Variants in PDE6A observed in about 807,000 individuals in gnomAD.
PDE6A encodes the protein rod cGMP-specific 3',5'-cyclic phosphodiesterase subunit alpha.
Under a neutral mutation model 106.3 loss-of-function variants are expected in PDE6A, and 84 were observed. The ratio of observed to expected loss-of-function variants is 0.79; its 90% CI spans 0.66 to 0.95. PDE6A has a LOEUF of 0.95. PDE6A is among the 40% of genes least tolerant of loss of function. The pLI is 0.00. For synonymous variants in PDE6A, 394 were observed against 386.6 expected, an observed-to-expected ratio of 1.02 and a Z score of -0.23; for missense variants, 1,052 against 1,084.9, an observed-to-expected ratio of 0.97 and a Z score of 0.43.
chr5:149,910,021 A>G (rs968486304), intron 6 of PDE6A, among the ~76,000 whole-genome samples: 1 of 152,208 alleles, frequency 6.6e-6, no homozygotes, highest in Admixed American at 6.5e-5. Context: ...ATTAGCAAAC[A>G]GATTCATCTA....
chr5:149,878,410 G>T (rs1760817130), intron 17 of PDE6A, among the ~76,000 whole-genome samples: 1 of 151,940 alleles, frequency 6.6e-6, no homozygotes, highest in Non-Finnish European at 1.5e-5. Flanking sequence ...TATTTAACCT[G>T]GTTCCCCATT....
At chr5:149,888,524 TAAA>T (rs1196393979) in intron 13 of PDE6A, among the ~76,000 whole-genome samples, 1 of 148,694 alleles carries the variant, frequency 6.7e-6, no homozygotes, top group East Asian at 1.9e-4. Flanking sequence ...ATATTATTAA[TAAA>T]ATAATAAGGG....
chr5:149,903,021 A>C (rs1202887586), intron 8 of PDE6A, among the ~76,000 whole-genome samples: 9 of 151,452 alleles, frequency 5.9e-5, no homozygotes, highest in Non-Finnish European at 1.2e-4. Flanking sequence ...ATAGTGGTGC[A>C]CACCTATAGT....
At chr5:149,875,938 C>G (rs563727807) in intron 17 of PDE6A, among the ~76,000 whole-genome samples, 2 of 152,216 alleles carry the variant, frequency 1.3e-5, no homozygotes, top group Admixed American at 6.5e-5. Flanking sequence ...GAATTTTATC[C>G]TAATATTGTG....
intron 4 of PDE6A, among the ~76,000 whole-genome samples, chr5:149,928,231 A>ATATATATATATATATATATATATTT: frequency 5.1e-5 from 1 of 19,744 alleles, no homozygotes; most frequent in African/African-American, 4.8e-4. Context: ...ATATATATAT[A>ATATATATATATATATATATATATTT]TTTTTTTTTT....
At chr5:149,879,491 T>G (rs998755684) in intron 17 of PDE6A, among the ~76,000 whole-genome samples, 2 of 151,612 alleles carry the variant, frequency 1.3e-5, no homozygotes, top group Non-Finnish European at 2.9e-5. Flanking sequence ...TAGTTACATA[T>G]GTATACATGT....
intron 5 of PDE6A, among the ~76,000 whole-genome samples, chr5:149,915,896 A>G (rs1753535873): frequency 6.6e-6 from 1 of 152,148 alleles, no homozygotes; most frequent in African/African-American, 2.4e-5. Flanking sequence ...CACTGCCATT[A>G]CTCATCAGTC....
At chr5:149,920,975 A>AAAGAAAG (rs1753697466) in intron 5 of PDE6A, among the ~76,000 whole-genome samples, 1 of 132,266 alleles carries the variant, frequency 7.6e-6, no homozygotes, top group South Asian at 2.3e-4. Flanking sequence ...AGAAAGAAAG[A>AAAGAAAG]AAGAAAGAAA....
At chr5:149,931,588 G>C (rs1444368343) in intron 3 of PDE6A, among the ~76,000 whole-genome samples, 1 of 152,194 alleles carries the variant, frequency 6.6e-6, no homozygotes, top group Non-Finnish European at 1.5e-5. Flanking sequence ...TAGGTGGTTC[G>C]AGTTTCTCAA....
At chr5:149,925,850 T>C (rs1343504703) in intron 4 of PDE6A, among the ~76,000 whole-genome samples, 1 of 151,688 alleles carries the variant, frequency 6.6e-6, no homozygotes, top group African/African-American at 2.4e-5. Context: ...TAACATATAA[T>C]AATAATAAAC....
chr5:149,864,732 G>A (rs1015713830), intron 20 of PDE6A, among the ~76,000 whole-genome samples: 1 of 152,160 alleles, frequency 6.6e-6, no homozygotes, highest in Non-Finnish European at 1.5e-5. Flanking sequence ...TCCACGGCCC[G>A]CTGTGAAGTG....
intron 6 of PDE6A, among the ~76,000 whole-genome samples, chr5:149,910,458 T>G (rs1329137816): frequency 6.6e-6 from 1 of 152,238 alleles, no homozygotes; most frequent in Non-Finnish European, 1.5e-5. Flanking sequence ...TTTTACTTTA[T>G]TCAGATCAAC....
intron 4 of PDE6A, among the ~76,000 whole-genome samples, chr5:149,923,737 A>G (rs1280549392): frequency 6.6e-6 from 1 of 152,108 alleles, no homozygotes; most frequent in Non-Finnish European, 1.5e-5. Flanking sequence ...TTGCCCATAG[A>G]GCAGCAAAGC....
intron 19 of PDE6A, 116 bp from the exon 20 acceptor site, chr5:149,866,369 G>A: frequency 1.3e-6 from 1 of 763,880 alleles, no homozygotes; most frequent in Non-Finnish European, 2.3e-6. Context: ...GACCTGATGA[G>A]CATTTTGCAG....
intron 5 of PDE6A, among the ~76,000 whole-genome samples, chr5:149,916,533 T>C (rs1753559341): frequency 6.6e-6 from 1 of 152,182 alleles, no homozygotes; most frequent in Admixed American, 6.5e-5. Context: ...ACTCTCTGCC[T>C]CTTCCATCTC....
At chr5:149,897,737 T>A (rs866875439) in intron 10 of PDE6A, among the ~76,000 whole-genome samples, 1 of 152,098 alleles carries the variant, frequency 6.6e-6, no homozygotes, top group African/African-American at 2.4e-5. Flanking sequence ...CACGCCACCA[T>A]GCCTGACTAA....
rs769487994 is a variant in PDE6A, at chr5:149,944,501, C to T, written c.173G>A (p.Ser58Asn). 2.5e-6 allele frequency: 4 copies of T among 1,614,030 alleles called. No individual in the cohort carries two copies. The African/African-American group carries it at 4.0e-5, about 16-fold the overall frequency. Reference sequence around the variant, plus strand: ...CCGCAGGAGATCAAAGATGATTTCGCTCTCCTCCATGCTGCTCGGGGAGTG... The same window carrying T: ...CCGCAGGAGATCAAAGATGATTTCGTTCTCCTCCATGCTGCTCGGGGAGTG... ...NYHSPSSMEE[S>N]EIIFDLLRDF... The change falls in exon 1 of 22, where the codon AGC becomes AAC. Residue 58 changes from serine (S) to asparagine (N), a missense_variant. By Grantham distance (46) the Ser-to-Asn change is conservative. Transcript: ENST00000255266.
chr5:149,936,986 G>A (rs1202720579), intron 1 of PDE6A, among the ~76,000 whole-genome samples: 2 of 152,080 alleles, frequency 1.3e-5, no homozygotes, highest in African/African-American at 4.8e-5. Flanking sequence ...CAAACGGCGA[G>A]ACAGACAAAA....
At position 149,886,388 on chromosome 5, in the gene PDE6A, CAG is replaced by C; in HGVS notation, c.1729-16_1729-15del. On this transcript the variant is annotated splice_polypyrimidine_tract_variant and intron_variant, in intron 13 of 21. Transcript: ENST00000255266. ...CAGCTTTCCCGTCTGGAAGGGCAATCAGAGTGCAAATCATTCCTTTTGTGTAG... is the reference window on the plus strand; with the variant it reads ...CAGCTTTCCCGTCTGGAAGGGCAATCAGTGCAAATCATTCCTTTTGTGTAG... The C allele has an allele frequency of 6.3e-7, 1 of 1,596,412 alleles. No homozygotes were observed. Among genetic ancestry groups the C allele is most frequent in the East Asian group, 2.2e-5 (1 of 44,790 alleles).
Sources: gnomAD v4.1 joint callset for allele counts (sites outside exome capture counted in the v4.1 genomes callset) on GRCh38, gnomAD v4.1.1 for gene constraint, MANE v1.5 for transcripts, NCBI Gene and HGNC (gene_info 2026-07-23, HGNC 2026-07-21) for gene names.